Variants in GOLGA3 observed in about 807,000 individuals in gnomAD.
GOLGA3 encodes golgin A3.
A neutral mutation model predicts 169.4 loss-of-function variants in GOLGA3; 75 were observed. The ratio of observed to expected loss-of-function variants is 0.44; its 90% CI spans 0.37 to 0.54. The LOEUF is 0.54. Ranked by LOEUF, GOLGA3 falls within the 20% of genes least tolerant of loss-of-function variation. The probability of loss-of-function intolerance (pLI) is 0.00; values close to 1 mark genes in which losing one functional copy is unlikely to be tolerated. For synonymous variants in GOLGA3, 824 were observed against 822.4 expected, an observed-to-expected ratio of 1.00 and a Z score of -0.03; for missense variants, 1,899 against 1,930.0, an observed-to-expected ratio of 0.98 and a Z score of 0.30.
At chr12:132,785,810 G>C (rs2045867897) in intron 15 of GOLGA3, among the ~76,000 whole-genome samples, 1 of 152,240 alleles carries the variant, frequency 6.6e-6, no homozygotes, top group Non-Finnish European at 1.5e-5. Flanking sequence ...CACGAAAGGT[G>C]ACAGAGCACG....
In GOLGA3 at chr12:132,787,920, C is replaced by T. The variant is rs1408722039; in HGVS notation, c.2811+1107G>A. ...GAGACCCCAGGACCCTTCCCTGGAC[C>T]CCCCCCGGATGCCCTCCTCAGGATC... On this transcript the variant is annotated intron_variant, in intron 13 of 23. Transcript: ENST00000450791. Among the ~76,000 whole-genome samples, 24 of 133,628 alleles carry T rather than the reference C, an allele frequency of 1.8e-4. 3 individuals are homozygous for T. The East Asian group carries it at 6.3e-3, about 35-fold the overall frequency. The allele number at this position is 133,628 out of a possible 152,430, so 87.7% of individuals were successfully genotyped here.
At chr12:132,808,681 C>T in intron 4 of GOLGA3, 132 bp from the exon 5 acceptor site, 1 of 747,210 alleles carries the variant, frequency 1.3e-6, no homozygotes, top group Admixed American at 2.4e-5. Flanking sequence ...CTCCCCAGCC[C>T]CTCACCACAC....
At chr12:132,778,035 ATT>A (rs1381480472) in intron 18 of GOLGA3, among the ~76,000 whole-genome samples, 2 of 152,216 alleles carry the variant, frequency 1.3e-5, no homozygotes, top group African/African-American at 4.8e-5. Flanking sequence ...GAATGAACAC[ATT>A]TATTCGAGAT....
intron 18 of GOLGA3, among the ~76,000 whole-genome samples, chr12:132,780,051 GCACATACA>G (rs2045493076): frequency 7.9e-6 from 1 of 126,186 alleles, no homozygotes; most frequent in Admixed American, 8.4e-5. Flanking sequence ...ACCCCCCCGC[GCACATACA>G]CACACACACC....
chr12:132,809,577 G>C (rs1282170249), intron 4 of GOLGA3, among the ~76,000 whole-genome samples: 2 of 152,220 alleles, frequency 1.3e-5, no homozygotes, highest in African/African-American at 4.8e-5. Flanking sequence ...AGACCAAGGA[G>C]CCCTCTGGTG....
intron 2 of GOLGA3, among the ~76,000 whole-genome samples, chr12:132,819,450 A>G (rs1950121496): frequency 6.6e-6 from 1 of 151,962 alleles, no homozygotes; most frequent in Non-Finnish European, 1.5e-5. Flanking sequence ...AATGGCGTGA[A>G]CCCTCGAAGT....
Position 132,826,066 on chromosome 12 carries a change from C to T in GOLGA3, c.-184+2737G>A, listed in dbSNP as rs568844353. On this transcript the variant is annotated intron_variant, in intron 1 of 23. Coordinates refer to ENST00000450791, the MANE Select transcript of GOLGA3 (RefSeq NM_001389683.1). ...TCCCCTGCTTCAGGGACGTCCAGAT[C>T]GGTGACATCGTCACAGTGGGCGAGT... The T allele has an allele frequency of 9.1e-5, 127 of 1,396,272 alleles. No homozygotes were observed. In the South Asian group the frequency reaches 1.3e-3, roughly 14 times the overall value. 86.5% of individuals were successfully genotyped at this position (1,396,272 alleles called of 1,614,324 possible). A position where few individuals can be genotyped will look rare whatever the true frequency, so the allele number is the denominator to read the frequency against.
rs1949146889 is a variant in GOLGA3, at chr12:132,801,938, C to T, written c.1629G>A (p.Leu543=). Reference sequence around the variant, plus strand: ...GCTGCACCTGCTGAAGCTGGCTCTGCAAGGCTGTCATCTGCTGTCGCAGGT... The same window carrying T: ...GCTGCACCTGCTGAAGCTGGCTCTGTAAGGCTGTCATCTGCTGTCGCAGGT... ...VHDLRQQMTA[L]QSQLQQVQLE... The change falls in exon 8 of 24, where the codon TTG becomes TTA. Residue 543 remains leucine, a synonymous_variant. Coordinates refer to ENST00000450791, the MANE Select transcript of GOLGA3 (RefSeq NM_001389683.1). 6.2e-7 allele frequency: 1 copy of T among 1,600,410 alleles called. No homozygotes were observed. Among genetic ancestry groups the T allele is most frequent in the Non-Finnish European group, 8.5e-7 (1 of 1,179,500 alleles).
At chr12:132,814,868 A>G (rs1210838085) in intron 3 of GOLGA3, among the ~76,000 whole-genome samples, 5 of 152,256 alleles carry the variant, frequency 3.3e-5, no homozygotes, top group Non-Finnish European at 5.9e-5. Context: ...GTTGCATGGT[A>G]CGTGCCAACG....
rs2044944003 is a variant in GOLGA3, at chr12:132,772,518, TG to T, written c.*586del. The stretch of plus-strand genomic sequence containing the variant: ...GAGAGTGTGCCACTGCACTCCAGCC[TG>T]GGCAACAAAGCGAGACTCTGTCTCA... On this transcript the variant is annotated 3_prime_UTR_variant, in exon 24 of 24. Transcript: ENST00000450791. The T allele has an allele frequency of 9.0e-6, 1 of 110,882 alleles. No individual in the cohort carries two copies. Among genetic ancestry groups the T allele is most frequent in the African/African-American group, 3.5e-5 (1 of 28,808 alleles). 6.9% of individuals were successfully genotyped at this position (110,882 alleles called of 1,614,324 possible). A position where few individuals can be genotyped will look rare whatever the true frequency, so the allele number is the denominator to read the frequency against.
At chr12:132,800,857 G>A (rs1949096251) in intron 8 of GOLGA3, among the ~76,000 whole-genome samples, 1 of 152,168 alleles carries the variant, frequency 6.6e-6, no homozygotes, top group Admixed American at 6.5e-5. Flanking sequence ...TAGTTAAGAG[G>A]CTGAGGTAGG....
intron 11 of GOLGA3, among the ~76,000 whole-genome samples, chr12:132,792,393 C>T (rs1017086174): frequency 3.9e-5 from 6 of 152,230 alleles, no homozygotes; most frequent in African/African-American, 1.4e-4. Context: ...CACAGGCGAG[C>T]GAGCAGGGCT....
chr12:132,813,672 A>G (rs944285280), intron 3 of GOLGA3, among the ~76,000 whole-genome samples: 3 of 144,638 alleles, frequency 2.1e-5, no homozygotes, highest in Non-Finnish European at 3.0e-5. Flanking sequence ...TGATGAGTAC[A>G]CCCCACCTGG....
rs1214114503 is a variant in GOLGA3, at chr12:132,772,855, C to G, written c.*250G>C. 13 of 406,454 alleles carry G rather than the reference C, an allele frequency of 3.2e-5. No homozygotes were observed. The Admixed American group carries it at 5.5e-4, about 17-fold the overall frequency. 25.2% of individuals were successfully genotyped at this position (406,454 alleles called of 1,614,324 possible). ...CACGACCTACAAGTAACCCTTCAGACACGTTCAAAGCTCCTCGCCGAGAGC... is the reference window on the plus strand; with the variant it reads ...CACGACCTACAAGTAACCCTTCAGAGACGTTCAAAGCTCCTCGCCGAGAGC... On this transcript the variant is annotated 3_prime_UTR_variant, in exon 24 of 24. Coordinates refer to ENST00000450791, the MANE Select transcript of GOLGA3 (RefSeq NM_001389683.1).
intron 4 of GOLGA3, among the ~76,000 whole-genome samples, chr12:132,813,013 G>A (rs144358080): frequency 9.8e-5 from 15 of 152,308 alleles, no homozygotes; most frequent in African/African-American, 3.4e-4. Flanking sequence ...CTACAGTAGC[G>A]TATACACATA....
chr12:132,783,912 T>A, intron 16 of GOLGA3: 11 of 1,431,364 alleles, frequency 7.7e-6, no homozygotes, highest in Non-Finnish European at 1.0e-5. Context: ...GCATTTGAAC[T>A]GAGAAGGGTT....
In GOLGA3 at chr12:132,816,731, G is replaced by A. The variant is rs763136916; in HGVS notation, c.215C>T (p.Thr72Met). ...GQGGLCQNGP[T>M]PPFPDPPSSL... is the part of the protein sequence containing the mutation. Reference sequence around the variant, plus strand: ...CGACGGAGGGTCTGGGAAGGGTGGCGTTGGCCCGTTCTGACAGAGGCCTCC... The same window carrying A: ...CGACGGAGGGTCTGGGAAGGGTGGCATTGGCCCGTTCTGACAGAGGCCTCC... Residue 72 changes from threonine to methionine, a missense_variant, in exon 3 of 24, where the codon ACG (threonine) becomes ATG (methionine). Thr to Met is a moderately conservative substitution (Grantham distance 81, BLOSUM62 -1). Coordinates refer to ENST00000450791, the MANE Select transcript of GOLGA3 (RefSeq NM_001389683.1). The A allele has an allele frequency of 4.3e-5, 69 of 1,613,880 alleles. 1 individual carries two copies. Among genetic ancestry groups the A allele is most frequent in the South Asian group, 4.0e-4 (36 of 91,092 alleles).
In GOLGA3 at chr12:132,773,341, G is replaced by A. The variant is rs765469060; in HGVS notation, c.4308-47C>T. On this transcript the variant is annotated intron_variant, in intron 23 of 23. Transcript: ENST00000450791. ...GAAGGCCCAGATCACACAAGTGCCA[G>A]GCAGAACGCGCCACCTGTGGACAGC... 7 of 1,211,356 alleles carry A rather than the reference G, an allele frequency of 5.8e-6. No individual in the cohort carries two copies. In the African/African-American group the frequency reaches 6.2e-5, roughly 11 times the overall value. The allele number at this position is 1,211,356 out of a possible 1,614,324, so 75.0% of individuals were successfully genotyped here. A position where few individuals can be genotyped will look rare whatever the true frequency, so the allele number is the denominator to read the frequency against.
rs761631890 is a variant in GOLGA3, at chr12:132,774,307, T to C, written c.4157A>G (p.Lys1386Arg). Reference sequence around the variant, plus strand: ...AGGGTTGGAAGAGCTGGCCTCGCCTTTCGGCTCCTTTCTCTGTTTTTAAAA... The same window carrying C: ...AGGGTTGGAAGAGCTGGCCTCGCCTCTCGGCTCCTTTCTCTGTTTTTAAAA... ...RGAAKTRKEP[K>R]GEASSSNPAT... The change falls in exon 23 of 24, where the codon AAA becomes AGA. Residue 1386 changes from lysine to arginine, a missense_variant. Physicochemically the swap from Lys to Arg is conservative, Grantham distance 26 (BLOSUM62 2). Transcript: ENST00000450791. 1 of 1,612,044 alleles carries C rather than the reference T, an allele frequency of 6.2e-7. No homozygotes were observed. Among genetic ancestry groups the C allele is most frequent in the Non-Finnish European group, 8.5e-7 (1 of 1,180,016 alleles).
Sources: gnomAD v4.1 joint callset for allele counts (sites outside exome capture counted in the v4.1 genomes callset) on GRCh38, gnomAD v4.1.1 for gene constraint, MANE v1.5 for transcripts, NCBI Gene and HGNC (gene_info 2026-07-23, HGNC 2026-07-21) for gene names.